RNF169: variants seen among roughly 807,000 people sequenced by gnomAD.
RNF169 encodes the protein ring finger protein 169, also known as E3 ubiquitin-protein ligase RNF169.
Under a neutral mutation model 53.9 loss-of-function variants are expected in RNF169, and 24 were observed. That is an observed-to-expected ratio of 0.45 (90% CI 0.32 to 0.63). The LOEUF is 0.63. RNF169 is among the 20% of genes least tolerant of loss of function. The pLI is 0.04. For missense variants in RNF169, 883 were observed against 906.2 expected, an observed-to-expected ratio of 0.97 and a Z score of 0.33; for synonymous variants, 396 against 363.5, an observed-to-expected ratio of 1.09 and a Z score of -1.02.
At chr11:74,767,625 A>G (rs1432088428) in intron 1 of RNF169, among the ~76,000 whole-genome samples, 1 of 151,846 alleles carries the variant, frequency 6.6e-6, no homozygotes, top group Non-Finnish European at 1.5e-5. Flanking sequence ...GCTGGAGTGC[A>G]GTGGCGCGAT....
intron 1 of RNF169, among the ~76,000 whole-genome samples, chr11:74,772,111 T>C (rs540971668): frequency 2.2e-4 from 34 of 152,248 alleles, no homozygotes; most frequent in African/African-American, 8.2e-4. Context: ...GTTTTAACTT[T>C]CTTGATGTAA....
At chr11:74,795,634 G>A (rs918009320) in intron 2 of RNF169, among the ~76,000 whole-genome samples, 11 of 152,230 alleles carry the variant, frequency 7.2e-5, no homozygotes, top group African/African-American at 2.7e-4. Flanking sequence ...ACTGAGGCAG[G>A]AGGATCTCTT....
At position 74,776,579 on chromosome 11, in the gene RNF169, C is replaced by T. The variant is rs1591397962; in HGVS notation, c.503-13047C>T. On this transcript the variant is annotated intron_variant, in intron 1 of 5. Transcript: ENST00000299563. ...CTGAGACACATACCTAGAGATCATC[C>T]CTAACTTCAAGTTAGGAAGTCAGAG... 1.3e-5 allele frequency among the ~76,000 whole-genome samples: 2 copies of T among 151,066 alleles called. 1 individual carries two copies. Among genetic ancestry groups the T allele is most frequent in the Middle Eastern group, 7.1e-3 (2 of 280 alleles).
chr11:74,807,250 T>C (rs1339147784), intron 2 of RNF169, among the ~76,000 whole-genome samples: 1 of 152,142 alleles, frequency 6.6e-6, no homozygotes, highest in Non-Finnish European at 1.5e-5. Flanking sequence ...TATTTAACAC[T>C]CCATGGGGCA....
At position 74,834,729 on chromosome 11, in the gene RNF169, A is replaced by G. The variant is rs2036227977; in HGVS notation, c.896A>G (p.Glu299Gly). ...RSQSCSDTAQ[E>G]RAKSRVRAVP... ...CAGAGCTGTAGTGACACAGCCCAGGAAAGAGCGAAGAGCAGAGTCAGAGCA... is the reference window on the plus strand; with the variant it reads ...CAGAGCTGTAGTGACACAGCCCAGGGAAGAGCGAAGAGCAGAGTCAGAGCA... Residue 299 changes from glutamate (E) to glycine (G), a missense_variant, in exon 5 of 6, where the codon GAA (glutamate) becomes GGA (glycine). By Grantham distance (98) the Glu-to-Gly change is moderately conservative. Coordinates refer to ENST00000299563, the MANE Select transcript of RNF169 (RefSeq NM_001098638.2). 1.2e-6 allele frequency: 2 copies of G among 1,613,946 alleles called. No homozygotes were observed. The highest frequency in any genetic ancestry group is 3.3e-5 in the Admixed American group (2 of 59,988).
intron 4 of RNF169, among the ~76,000 whole-genome samples, chr11:74,825,025 T>G (rs868424150): frequency 6.6e-6 from 1 of 152,192 alleles, no homozygotes; most frequent in Non-Finnish European, 1.5e-5. Context: ...AGATATTTCA[T>G]GCAAACAGTA....
rs1367201154 is a variant in RNF169, at chr11:74,749,017, C to A, written c.137C>A (p.Ser46Ter). 1.3e-6 allele frequency: 2 copies of A among 1,495,974 alleles called. No homozygotes were observed. Among genetic ancestry groups the A allele is most frequent in the Non-Finnish European group, 1.8e-6 (2 of 1,119,852 alleles). 92.7% of individuals were successfully genotyped at this position (1,495,974 alleles called of 1,614,324 possible). Residue 46 changes from serine to a stop codon, truncating the protein, a stop_gained, in exon 1 of 6, where the codon TCG becomes TAG. Coordinates refer to ENST00000299563, the MANE Select transcript of RNF169 (RefSeq NM_001098638.2). LOFTEE classifies it high-confidence loss of function. ...TGAPGPASGP[S>*]LLVLSPPLLQ... is the part of the protein sequence containing the mutation. ...GCCCCAGGCCCGGCTTCTGGACCTTCGCTGTTGGTGTTGTCGCCGCCGTTG... is the reference window on the plus strand; with the variant it reads ...GCCCCAGGCCCGGCTTCTGGACCTTAGCTGTTGGTGTTGTCGCCGCCGTTG...
intron 2 of RNF169, among the ~76,000 whole-genome samples, chr11:74,792,229 C>T (rs1249625408): frequency 2.6e-5 from 4 of 151,876 alleles, no homozygotes; most frequent in African/African-American, 9.7e-5. Flanking sequence ...ATAAAAAGAA[C>T]AGGTTCTTAA....
intron 1 of RNF169, among the ~76,000 whole-genome samples, chr11:74,750,880 T>TG (rs922471191): frequency 5.5e-5 from 7 of 127,648 alleles, no homozygotes; most frequent in Admixed American, 5.4e-4. Context: ...TTTTTTTTTT[T>TG]TTTTTTTTTT....
At chr11:74,766,676 A>G (rs953509604) in intron 1 of RNF169, among the ~76,000 whole-genome samples, 5 of 152,176 alleles carry the variant, frequency 3.3e-5, no homozygotes, top group Non-Finnish European at 5.9e-5. Context: ...AAGATTGCTA[A>G]TGATTGATTG....
intron 4 of RNF169, among the ~76,000 whole-genome samples, chr11:74,827,916 T>C (rs893883730): frequency 2.6e-5 from 4 of 152,010 alleles, no homozygotes; most frequent in East Asian, 1.9e-4. Flanking sequence ...CCCTTGAAAA[T>C]AGGCACAAGA....
chr11:74,813,125 A>G (rs79984752), intron 3 of RNF169, among the ~76,000 whole-genome samples: 3,683 of 152,254 alleles, frequency 0.024, 124 homozygotes, highest in African/African-American at 0.085. Flanking sequence ...CACTTCTATC[A>G]GCCACTCCCC....
intron 3 of RNF169, among the ~76,000 whole-genome samples, chr11:74,817,360 A>T (rs2035952556): frequency 6.6e-6 from 1 of 152,182 alleles, no homozygotes; most frequent in Non-Finnish European, 1.5e-5. Flanking sequence ...AATAGATGGC[A>T]TTTAGTTTTC....
At chr11:74,787,698 C>T (rs960608148) in intron 1 of RNF169, among the ~76,000 whole-genome samples, 8 of 152,022 alleles carry the variant, frequency 5.3e-5, no homozygotes, top group Admixed American at 5.2e-4. Flanking sequence ...GCATTGCTGG[C>T]GGGACTATAA....
intron 1 of RNF169, among the ~76,000 whole-genome samples, chr11:74,774,792 T>A (rs1386221392): frequency 6.6e-6 from 1 of 151,702 alleles, no homozygotes; most frequent in Non-Finnish European, 1.5e-5. Flanking sequence ...CCGTCTCTAC[T>A]AAAAAATACA....
chr11:74,801,164 GA>G (rs1275132787), intron 2 of RNF169, among the ~76,000 whole-genome samples: 9 of 152,320 alleles, frequency 5.9e-5, no homozygotes, highest in African/African-American at 1.9e-4. Flanking sequence ...AATTAGGTAA[GA>G]ATCATAAGAG....
chr11:74,813,807 C>T (rs570626672), intron 3 of RNF169, among the ~76,000 whole-genome samples: 10 of 152,284 alleles, frequency 6.6e-5, no homozygotes, highest in African/African-American at 2.2e-4. Flanking sequence ...TCTCCTGCCT[C>T]AGCCTCCTGT....
intron 1 of RNF169, among the ~76,000 whole-genome samples, chr11:74,751,441 T>C (rs1356160496): frequency 1.3e-5 from 2 of 152,370 alleles, no homozygotes; most frequent in East Asian, 3.9e-4. Flanking sequence ...TTAGTACTAC[T>C]GATTATATGG....
chr11:74,806,267 GAA>G (rs996615217), intron 2 of RNF169, among the ~76,000 whole-genome samples: 1 of 152,132 alleles, frequency 6.6e-6, no homozygotes, highest in African/African-American at 2.4e-5. Context: ...AGTCATTAGA[GAA>G]ATACAAATTA....
Sources: gnomAD v4.1 joint callset for allele counts (sites outside exome capture counted in the v4.1 genomes callset) on GRCh38, gnomAD v4.1.1 for gene constraint, MANE v1.5 for transcripts, NCBI Gene and HGNC (gene_info 2026-07-23, HGNC 2026-07-21) for gene names.